Variants in STX18 observed in about 807,000 individuals in gnomAD.
STX18 encodes the protein syntaxin-18.
Under a neutral mutation model 50.1 loss-of-function variants are expected in STX18, and 40 were observed. That is an observed-to-expected ratio of 0.80 (90% confidence interval 0.62 to 1.04). The LOEUF (loss-of-function observed/expected upper bound fraction) is 1.04, where lower values mean the gene tolerates loss of function less well. STX18 is among the 50% of genes least tolerant of loss of function. The probability of loss-of-function intolerance (pLI) is 0.00; values close to 1 mark genes in which losing one functional copy is unlikely to be tolerated. For synonymous variants in STX18, 158 were observed against 151.8 expected, an observed-to-expected ratio of 1.04 and a Z score of -0.30; for missense variants, 410 against 415.8, an observed-to-expected ratio of 0.99 and a Z score of 0.12.
chr4:4,499,218 C>A (rs1254376638), intron 1 of STX18, among the ~76,000 whole-genome samples: 1 of 152,124 alleles, frequency 6.6e-6, no homozygotes, highest in Non-Finnish European at 1.5e-5. Flanking sequence ...CTAAACCGTA[C>A]CTTGTGGAAT....
intron 5 of STX18, among the ~76,000 whole-genome samples, chr4:4,452,727 C>G (rs1178898530): frequency 1.3e-5 from 2 of 152,192 alleles, no homozygotes; most frequent in African/African-American, 2.4e-5. Context: ...ATTTCATAGG[C>G]TATAGCTGCT....
chr4:4,424,599 T>C (rs1725149170), intron 8 of STX18, among the ~76,000 whole-genome samples: 1 of 152,140 alleles, frequency 6.6e-6, no homozygotes, highest in Non-Finnish European at 1.5e-5. Flanking sequence ...GGATTGATTT[T>C]ATTTGGGGGA....
intron 1 of STX18, among the ~76,000 whole-genome samples, chr4:4,530,480 G>T (rs1314559108): frequency 4.0e-5 from 6 of 151,798 alleles, no homozygotes; most frequent in African/African-American, 1.5e-4. Flanking sequence ...TAATGCTGTA[G>T]TGTCTCTATG....
intron 7 of STX18, among the ~76,000 whole-genome samples, chr4:4,433,437 T>G (rs1725615961): frequency 6.6e-6 from 1 of 151,744 alleles, no homozygotes; most frequent in Non-Finnish European, 1.5e-5. Flanking sequence ...TCTGTTCACT[T>G]GTTTATCTGC....
chr4:4,467,719 C>G (rs934511408), intron 2 of STX18, among the ~76,000 whole-genome samples: 1 of 110,214 alleles, frequency 9.1e-6, no homozygotes, highest in Non-Finnish European at 1.7e-5. Flanking sequence ...AATAAACATT[C>G]AGGATGGAAA....
Position 4,461,846 on chromosome 4 carries a change from C to T in STX18, c.237-2359G>A, listed in dbSNP as rs185658639. On this transcript the variant is annotated intron_variant, in intron 2 of 10. Coordinates refer to ENST00000306200, the MANE Select transcript of STX18 (RefSeq NM_016930.4). ...CAGAGCCTCCTCCCTCTGGCCCCCT[C>T]GCAGAAAGCATGGGGTGTGCATATA... The T allele has an allele frequency of 5.9e-5, 27 of 456,094 alleles. No homozygotes were observed. The East Asian group carries it at 1.7e-3, about 28-fold the overall frequency. 28.3% of individuals were successfully genotyped at this position (456,094 alleles called of 1,614,324 possible). A position where few individuals can be genotyped will look rare whatever the true frequency, so the allele number is the denominator to read the frequency against.
chr4:4,425,499 G>T, intron 7 of STX18: 1 of 554,328 alleles, frequency 1.8e-6, no homozygotes, highest in Non-Finnish European at 3.2e-6. Context: ...GGCTGTAGCT[G>T]TATCTACCTA....
At chr4:4,433,913 T>A (rs965255786) in intron 7 of STX18, among the ~76,000 whole-genome samples, 7 of 152,224 alleles carry the variant, frequency 4.6e-5, no homozygotes, top group Non-Finnish European at 8.8e-5. Flanking sequence ...CCTGATTAAC[T>A]AGGGGACTCT....
chr4:4,503,710 T>C (rs1173877321), intron 1 of STX18, among the ~76,000 whole-genome samples: 1 of 152,042 alleles, frequency 6.6e-6, no homozygotes, highest in African/African-American at 2.4e-5. Flanking sequence ...TAGGATATTA[T>C]GTGGGGAAAG....
At chr4:4,492,161 A>G (rs1728971923) in intron 1 of STX18, among the ~76,000 whole-genome samples, 1 of 152,122 alleles carries the variant, frequency 6.6e-6, no homozygotes, top group Non-Finnish European at 1.5e-5. Context: ...AAAGCAATCT[A>G]GAGATTTATA....
intron 6 of STX18, among the ~76,000 whole-genome samples, chr4:4,435,573 A>G (rs1725733079): frequency 6.6e-6 from 1 of 152,150 alleles, no homozygotes; most frequent in African/African-American, 2.4e-5. Context: ...GTTCTTTTAA[A>G]TTGCTGCATG....
rs1253387918 is a variant in STX18 at position 4,497,000 on chromosome 4, C to T, written c.169-25294G>A. Among the ~76,000 whole-genome samples, 4 of 152,196 alleles carry T rather than the reference C, an allele frequency of 2.6e-5. No individual in the cohort carries two copies. The East Asian group carries it at 7.7e-4, about 29-fold the overall frequency. The stretch of plus-strand genomic sequence containing the variant: ...AGTGCCTAGACAATGTCAGGGTGGG[C>T]TTCCTCATGTTTTACGCGAAACAAA... On this transcript the variant is annotated intron_variant, in intron 1 of 10. Coordinates refer to ENST00000306200, the MANE Select transcript of STX18 (RefSeq NM_016930.4).
chr4:4,484,461 T>C (rs532028528), intron 1 of STX18, among the ~76,000 whole-genome samples: 4 of 152,320 alleles, frequency 2.6e-5, no homozygotes, highest in East Asian at 1.9e-4. Flanking sequence ...AGGTCTTCAT[T>C]ATATGCACAT....
chr4:4,445,086 G>A (rs1021377159), intron 5 of STX18, among the ~76,000 whole-genome samples: 1 of 152,122 alleles, frequency 6.6e-6, no homozygotes, highest in African/African-American at 2.4e-5. Flanking sequence ...GTATGATTAT[G>A]TATGTAGAAA....
intron 2 of STX18, among the ~76,000 whole-genome samples, chr4:4,467,179 T>C (rs1469206333): frequency 6.6e-6 from 1 of 152,178 alleles, no homozygotes; most frequent in Non-Finnish European, 1.5e-5. Flanking sequence ...TCTGGCTACA[T>C]GACTCCTGAG....
intron 8 of STX18, 40 bp from the exon 9 acceptor site, chr4:4,423,627 T>C: frequency 2.5e-6 from 4 of 1,588,640 alleles, no homozygotes; most frequent in Non-Finnish European, 3.5e-6. Flanking sequence ...CTATTAGCAC[T>C]TGGTAATCTA....
chr4:4,502,348 G>A (rs950487715), intron 1 of STX18, among the ~76,000 whole-genome samples: 5 of 152,220 alleles, frequency 3.3e-5, no homozygotes, highest in Middle Eastern at 3.4e-3. Context: ...GGAAAACAGA[G>A]AAAAAGAATT....
intron 1 of STX18, among the ~76,000 whole-genome samples, chr4:4,517,726 C>T (rs1262459170): frequency 6.6e-6 from 1 of 151,922 alleles, no homozygotes; most frequent in Non-Finnish European, 1.5e-5. Context: ...GTTCATATCA[C>T]TACCTACATG....
At chr4:4,533,898 T>A (rs1731216358) in intron 1 of STX18, among the ~76,000 whole-genome samples, 1 of 152,240 alleles carries the variant, frequency 6.6e-6, no homozygotes, top group Admixed American at 6.5e-5. Context: ...AGAATCATGC[T>A]TCTACAACAT....
Sources: gnomAD v4.1 joint callset for allele counts (sites outside exome capture counted in the v4.1 genomes callset) on GRCh38, gnomAD v4.1.1 for gene constraint, MANE v1.5 for transcripts, NCBI Gene and HGNC (gene_info 2026-07-23, HGNC 2026-07-21) for gene names.